Variants in DYNC2H1 observed in about 807,000 individuals in gnomAD.
DYNC2H1 encodes the protein cytoplasmic dynein 2 heavy chain 1.
In DYNC2H1, 410 loss-of-function variants were observed where a neutral mutation model predicts 570.0. That is an observed-to-expected ratio of 0.72 (90% CI 0.66 to 0.78). The LOEUF (loss-of-function observed/expected upper bound fraction) is 0.78, where lower values mean the gene tolerates loss of function less well. Among genes scored for constraint, DYNC2H1 ranks in the 30% least tolerant of loss-of-function variants. The pLI is 0.00. For synonymous variants in DYNC2H1, 1,688 were observed against 1,677.6 expected (o/e 1.01, Z -0.15); for missense variants, 4,865 against 5,046.4 (o/e 0.96, Z 1.09).
chr11:103,233,177 C>T (rs1864079472), intron 60 of DYNC2H1, among the ~76,000 whole-genome samples: 1 of 151,780 alleles, frequency 6.6e-6, no homozygotes, highest in African/African-American at 2.4e-5. Flanking sequence ...AATTTTAGAT[C>T]CTCTGCTGAT....
chr11:103,312,928 A>G (rs560239310), intron 79 of DYNC2H1, among the ~76,000 whole-genome samples: 15 of 152,282 alleles, frequency 9.9e-5, no homozygotes, highest in African/African-American at 3.6e-4. Context: ...TAGCTTCCCT[A>G]TCCAATCCAT....
chr11:103,469,890 G>T (rs1945318224), intron 88 of DYNC2H1, among the ~76,000 whole-genome samples: 2 of 152,224 alleles, frequency 1.3e-5, no homozygotes, highest in East Asian at 3.9e-4. Flanking sequence ...GTTGGAATTT[G>T]TCAAGTGTTG....
chr11:103,171,168 G>A (rs376578450), intron 34 of DYNC2H1, 100 bp downstream of exon 34: 8 of 1,075,630 alleles, frequency 7.4e-6, no homozygotes, highest in African/African-American at 3.2e-5. Context: ...CCTGACATCC[G>A]TGTTTCTAAT....
chr11:103,300,039 T>G, intron 75 of DYNC2H1, among the ~76,000 whole-genome samples: 1 of 152,068 alleles, frequency 6.6e-6, no homozygotes, highest in East Asian at 1.9e-4. Flanking sequence ...AAGGTAATTT[T>G]ATACATCTGA....
rs372549709 is a variant in DYNC2H1, at chr11:103,170,883, A to C, written c.5152-3A>C. 5.3e-5 allele frequency: 79 copies of C among 1,480,798 alleles called. No individual in the cohort carries two copies. Among genetic ancestry groups the C allele is most frequent in the Admixed American group, 8.5e-5 (4 of 47,280 alleles). The allele number at this position is 1,480,798 out of a possible 1,614,324, so 91.7% of individuals were successfully genotyped here. ...GACTATAATTTTTATTGTTGTTTTT[A>C]AGGGCATCGATGTGAAGTCAATGGG... is the stretch of plus-strand genomic sequence containing the variant. On this transcript the variant is annotated splice_region_variant and splice_polypyrimidine_tract_variant and intron_variant, in intron 33 of 88. Coordinates refer to ENST00000375735, the MANE Select transcript of DYNC2H1 (RefSeq NM_001377.3). The surrounding 1 kb of genome is among the most constrained non-coding windows in gnomAD (Gnocchi z 4.8).
intron 63 of DYNC2H1, among the ~76,000 whole-genome samples, chr11:103,242,878 G>T (rs1429588210): frequency 6.6e-6 from 1 of 151,888 alleles, no homozygotes; most frequent in Non-Finnish European, 1.5e-5. Flanking sequence ...CCGCCACCAC[G>T]CCTGGCTAAT....
chr11:103,211,214 G>T (rs1233400421), intron 53 of DYNC2H1, among the ~76,000 whole-genome samples: 3 of 151,722 alleles, frequency 2.0e-5, no homozygotes, highest in Non-Finnish European at 4.4e-5. Context: ...ATGTTTTTTG[G>T]GTTCTGTCTT....
Position 103,165,741 on chromosome 11 carries a change from ATATTACTC to A in DYNC2H1, c.4612-151_4612-144del, listed in dbSNP as rs1861279120. The stretch of plus-strand genomic sequence containing the variant: ...ATCACACAATACTTTTTCTACTACT[ATATTACTC>A]TATTAATATTTAAGGTTCCAGTATG... On this transcript the variant is annotated intron_variant, in intron 30 of 88. Transcript: ENST00000375735. Among the ~76,000 whole-genome samples the A allele has an allele frequency of 2.6e-5, 4 of 152,196 alleles. No individual in the cohort carries two copies. In the South Asian group the frequency reaches 8.3e-4, roughly 32 times the overall value.
Position 103,148,515 on chromosome 11 carries a change from T to G in DYNC2H1, c.2844T>G (p.Phe948Leu). 6.4e-7 allele frequency: 1 copy of G among 1,563,304 alleles called. No homozygotes were observed. Among genetic ancestry groups the G allele is most frequent in the Non-Finnish European group, 8.7e-7 (1 of 1,152,176 alleles). ...CTCATTTACATGAAATTGATACATT[T>G]GTTACTGAGGCTATGGAAGTCTTAA... ...IQAHLHEIDT[F>L]VTEAMEVLTI... is the part of the protein sequence containing the mutation. Residue 948 changes from phenylalanine (F) to leucine (L), a missense_variant, in exon 20 of 89, where the codon TTT becomes TTG. By Grantham distance (22) the Phe-to-Leu change is conservative (BLOSUM62 0). This residue lies in a region of DYNC2H1 where 1,936 missense variants were observed against 1,962.1 expected (regional missense o/e 0.99). Coordinates refer to ENST00000375735, the MANE Select transcript of DYNC2H1 (RefSeq NM_001377.3).
intron 55 of DYNC2H1, among the ~76,000 whole-genome samples, chr11:103,219,216 C>G (rs1863494383): frequency 6.7e-6 from 1 of 149,704 alleles, no homozygotes; most frequent in Admixed American, 6.6e-5. Flanking sequence ...GACCCTGTCT[C>G]AAAAAGAAAA....
At chr11:103,197,595 G>A (rs535273132) in intron 47 of DYNC2H1, among the ~76,000 whole-genome samples, 2 of 152,104 alleles carry the variant, frequency 1.3e-5, no homozygotes, top group Admixed American at 6.6e-5. Context: ...CCACAGGTGC[G>A]TGCCACCACA....
In DYNC2H1 at chr11:103,174,204, T is replaced by C. The variant is rs759313932; in HGVS notation, c.5674+34T>C. ...GATTATTCCAAATACATTAACTTAT[T>C]TTTAAAAACATAAGCGTTAATTTAG... On this transcript the variant is annotated intron_variant, in intron 36 of 88. Transcript: ENST00000375735. 11 of 1,475,674 alleles carry C rather than the reference T, an allele frequency of 7.5e-6. No individual in the cohort carries two copies. In the African/African-American group the frequency reaches 1.4e-4, roughly 19 times the overall value. The allele number at this position is 1,475,674 out of a possible 1,614,324, so 91.4% of individuals were successfully genotyped here. A position where few individuals can be genotyped will look rare whatever the true frequency, so the allele number is the denominator to read the frequency against.
intron 70 of DYNC2H1, among the ~76,000 whole-genome samples, chr11:103,270,811 C>A (rs1459832845): frequency 6.6e-6 from 1 of 152,058 alleles, no homozygotes; most frequent in African/African-American, 2.4e-5. Context: ...TCTATGAGTT[C>A]TTTGTTTTTG....
intron 38 of DYNC2H1, among the ~76,000 whole-genome samples, chr11:103,178,719 C>G (rs1861727915): frequency 6.6e-6 from 1 of 152,112 alleles, no homozygotes; most frequent in East Asian, 1.9e-4. Context: ...TACAACAGAG[C>G]AAGCCTTCGT....
At chr11:103,449,456 T>G (rs1026381350) in intron 85 of DYNC2H1, among the ~76,000 whole-genome samples, 2 of 152,068 alleles carry the variant, frequency 1.3e-5, no homozygotes, top group Admixed American at 6.5e-5. Flanking sequence ...ACACATGTAT[T>G]AATTGTATTT....
chr11:103,217,644 A>C (rs1448180936), intron 55 of DYNC2H1, among the ~76,000 whole-genome samples: 1 of 152,200 alleles, frequency 6.6e-6, no homozygotes. Context: ...AAGAAAACAC[A>C]GGAGAACATC....
intron 52 of DYNC2H1, among the ~76,000 whole-genome samples, chr11:103,208,786 GTAATAGATGAAAATAAAGCAAAT>G (rs1168552899): frequency 6.6e-6 from 1 of 152,034 alleles, no homozygotes; most frequent in African/African-American, 2.4e-5. Context: ...ATGAGAATAT[GTAATAGATGAAAATAAAGCAAAT>G]TAATAGGCTT....
chr11:103,362,326 T>C (rs1443118069), intron 83 of DYNC2H1, among the ~76,000 whole-genome samples: 2 of 80,448 alleles, frequency 2.5e-5, no homozygotes, highest in African/African-American at 4.7e-5. Context: ...TTTTCTTTTT[T>C]TTTTTTCTTT....
chr11:103,140,804 C>G (rs1346342051), intron 17 of DYNC2H1, among the ~76,000 whole-genome samples: 1 of 152,182 alleles, frequency 6.6e-6, no homozygotes, highest in African/African-American at 2.4e-5. Flanking sequence ...GAATGTTTTC[C>G]AACTTGGTTC....
Sources: gnomAD v4.1 joint callset for allele counts (sites outside exome capture counted in the v4.1 genomes callset) on GRCh38, gnomAD v4.1.1 for gene constraint, gnomAD v4.1.1 regional missense constraint, Gnocchi (gnomAD v3.1) non-coding constraint, MANE v1.5 for transcripts, NCBI Gene and HGNC (gene_info 2026-07-23, HGNC 2026-07-21) for gene names.